PRKG1: variants seen among roughly 807,000 people sequenced by gnomAD.
PRKG1 encodes the protein protein kinase cGMP-dependent 1, also known as cGMP-dependent protein kinase 1.
Under a neutral mutation model 88.1 loss-of-function variants are expected in PRKG1, and 35 were observed. The ratio of observed to expected loss-of-function variants is 0.40; its 90% CI spans 0.30 to 0.53. PRKG1 has a LOEUF of 0.53. PRKG1 is among the 20% of genes least tolerant of loss of function. The pLI, the probability that PRKG1 is intolerant of heterozygous loss-of-function variation, is 0.59. For missense variants in PRKG1, 540 were observed against 839.8 expected (o/e 0.64, Z 4.41); for synonymous variants, 303 against 292.5 (o/e 1.04, Z -0.37).
intron 1 of PRKG1, among the ~76,000 whole-genome samples, chr10:51,065,750 C>T (rs1303110984): frequency 1.3e-5 from 2 of 152,100 alleles, no homozygotes; most frequent in African/African-American, 4.8e-5. Flanking sequence ...TGAGCGCCTT[C>T]CTGTTCTAGG....
intron 5 of PRKG1, among the ~76,000 whole-genome samples, chr10:52,002,200 A>C (rs1057307607): frequency 1.3e-5 from 2 of 152,108 alleles, no homozygotes; most frequent in Non-Finnish European, 2.9e-5. Context: ...TTATATTTTT[A>C]ATACTGCCTT....
chr10:52,076,311 C>A (rs184467283), intron 7 of PRKG1, among the ~76,000 whole-genome samples: 15 of 152,248 alleles, frequency 9.9e-5, no homozygotes, highest in African/African-American at 3.6e-4. Context: ...AGTCCCAGCA[C>A]TTTGGAAGGC....
chr10:51,124,864 A>T (rs1306997177), intron 1 of PRKG1, among the ~76,000 whole-genome samples: 1 of 152,174 alleles, frequency 6.6e-6, no homozygotes, highest in Non-Finnish European at 1.5e-5. Context: ...ACTACTCAGA[A>T]ATAGCCTATT....
intron 5 of PRKG1, among the ~76,000 whole-genome samples, chr10:51,958,282 A>G (rs1365939548): frequency 1.3e-5 from 2 of 152,118 alleles, no homozygotes; most frequent in Non-Finnish European, 2.9e-5. Flanking sequence ...TGAAAAAACA[A>G]GTCAAGAAAA....
rs183201800 is a variant in PRKG1 at position 51,803,573 on chromosome 10, C to G, written c.593-1012C>G. ...TTCACTCCCAAATCATGATCCATCA[C>G]ATTCACTGGGCTTAGTCTTGAGAAC... On this transcript the variant is annotated intron_variant, in intron 3 of 17. Coordinates refer to ENST00000373980, the MANE Select transcript of PRKG1 (RefSeq NM_006258.4). Among the ~76,000 whole-genome samples, 93 of 152,228 alleles carry G rather than the reference C, an allele frequency of 6.1e-4. 1 individual carries two copies. Among genetic ancestry groups the G allele is most frequent in the African/African-American group, 2.2e-3 (90 of 41,556 alleles).
At chr10:51,434,737 A>G (rs1838869778) in intron 2 of PRKG1, among the ~76,000 whole-genome samples, 1 of 152,038 alleles carries the variant, frequency 6.6e-6, no homozygotes, top group South Asian at 2.1e-4. Flanking sequence ...TATGGTTTCC[A>G]TGTATGTGAA....
At chr10:51,288,591 T>C (rs1490998799) in intron 2 of PRKG1, among the ~76,000 whole-genome samples, 1 of 152,196 alleles carries the variant, frequency 6.6e-6, no homozygotes, top group African/African-American at 2.4e-5. Context: ...TCTGAGTGAA[T>C]AAGAAATGAA....
At position 51,449,280 on chromosome 10, in the gene PRKG1, T is replaced by A. The variant is rs186309456; in HGVS notation, c.479-18443T>A. ...AATAAAAATAGTTCAGTTCCTTTCGTGTTTACTCATTTTTACAGGATGGTA... is the reference window on the plus strand; with the variant it reads ...AATAAAAATAGTTCAGTTCCTTTCGAGTTTACTCATTTTTACAGGATGGTA... On this transcript the variant is annotated intron_variant, in intron 2 of 17. Coordinates refer to ENST00000373980, the MANE Select transcript of PRKG1 (RefSeq NM_006258.4). Among the ~76,000 whole-genome samples, 217 of 151,938 alleles carry A rather than the reference T, an allele frequency of 1.4e-3. 2 individuals carry two copies. The highest frequency in any genetic ancestry group is 5.0e-3 in the African/African-American group (208 of 41,480).
chr10:52,114,882 C>A (rs75319075), intron 7 of PRKG1, among the ~76,000 whole-genome samples: 17,140 of 151,268 alleles, frequency 0.11, 1,230 homozygotes, highest in Non-Finnish European at 0.16. Flanking sequence ...GTGAATGGAG[C>A]ATTGTAAAGG....
chr10:51,151,706 C>G (rs557604984), intron 1 of PRKG1, among the ~76,000 whole-genome samples: 1 of 151,906 alleles, frequency 6.6e-6, no homozygotes, highest in Admixed American at 6.6e-5. Flanking sequence ...ATTTTAATGG[C>G]AGCATAACGT....
chr10:51,647,263 A>G (rs187239186), intron 3 of PRKG1, among the ~76,000 whole-genome samples: 13 of 152,276 alleles, frequency 8.5e-5, no homozygotes, highest in East Asian at 7.7e-4. Flanking sequence ...GCTCTGCCCA[A>G]TGAAGTGATG....
At chr10:51,974,038 AT>A (rs1843770751) in intron 5 of PRKG1, among the ~76,000 whole-genome samples, 1 of 152,106 alleles carries the variant, frequency 6.6e-6, no homozygotes, top group South Asian at 2.1e-4. Context: ...ATTGTCCATC[AT>A]TTTCTTCATC....
At chr10:52,171,785 A>ATTTTTTTTTTTTTTTT (rs1358641112) in intron 9 of PRKG1, among the ~76,000 whole-genome samples, 4 of 122,678 alleles carry the variant, frequency 3.3e-5, no homozygotes, top group African/African-American at 1.1e-4. Flanking sequence ...CTTTTATCAA[A>ATTTTTTTTTTTTTTTT]ATTTTTTTTT....
chr10:52,194,591 G>A lies in PRKG1; in HGVS notation c.1076+32628G>A, dbSNP rs774804131. Among the ~76,000 whole-genome samples, 7 of 152,136 alleles carry A rather than the reference G, an allele frequency of 4.6e-5. No individual in the cohort carries two copies. The South Asian group carries it at 6.2e-4, about 13-fold the overall frequency. The stretch of plus-strand genomic sequence containing the variant: ...CTAATGTTTTCTCGCTAAAGTTTCC[G>A]TTTATGTGGCCTTTGTCTCTGGTTT... On this transcript the variant is annotated intron_variant, in intron 9 of 17. Coordinates refer to ENST00000373980, the MANE Select transcript of PRKG1 (RefSeq NM_006258.4).
chr10:51,744,960 G>T (rs1279814979), intron 3 of PRKG1, among the ~76,000 whole-genome samples: 1 of 152,202 alleles, frequency 6.6e-6, no homozygotes. Flanking sequence ...ACGCCTGGTT[G>T]TTGAGGGAAC....
intron 9 of PRKG1, among the ~76,000 whole-genome samples, chr10:52,235,025 A>T (rs1238613598): frequency 1.0e-5 from 1 of 96,652 alleles, no homozygotes; most frequent in Non-Finnish European, 1.9e-5. Context: ...ATTCTTAAAG[A>T]AAAGAATTTT....
At chr10:52,063,403 A>G (rs553429485) in intron 7 of PRKG1, among the ~76,000 whole-genome samples, 1 of 152,382 alleles carries the variant, frequency 6.6e-6, no homozygotes, top group East Asian at 1.9e-4. Flanking sequence ...CAGGAACTGC[A>G]TAGCCCCAAA....
chr10:51,932,712 CT>C (rs937694121), intron 5 of PRKG1, among the ~76,000 whole-genome samples: 1 of 152,090 alleles, frequency 6.6e-6, no homozygotes, highest in African/African-American at 2.4e-5. Context: ...GTGATGCCAG[CT>C]GCTTGTGAAA....
intron 2 of PRKG1, among the ~76,000 whole-genome samples, chr10:51,213,880 A>T (rs1019920011): frequency 2.0e-5 from 3 of 152,102 alleles, no homozygotes; most frequent in African/African-American, 7.2e-5. Context: ...GTGTTATTTG[A>T]TGAGATATTT....
Sources: gnomAD v4.1 joint callset for allele counts (sites outside exome capture counted in the v4.1 genomes callset) on GRCh38, gnomAD v4.1.1 for gene constraint, MANE v1.5 for transcripts, NCBI Gene and HGNC (gene_info 2026-07-23, HGNC 2026-07-21) for gene names.